Variants in FAM124A observed in about 807,000 individuals in gnomAD.
FAM124A encodes family with sequence similarity 124 member A.
FAM124A carries 23 observed loss-of-function variants against 24.5 expected under a neutral mutation model. The observed-to-expected ratio is 0.94, with a 90% CI of 0.68 to 1.33. The LOEUF is 1.33. Among genes scored for constraint, FAM124A ranks in the 40% most tolerant of loss-of-function variants. The probability of loss-of-function intolerance (pLI) is 0.00; values close to 1 mark genes in which losing one functional copy is unlikely to be tolerated. For synonymous variants in FAM124A, 287 were observed against 314.7 expected, an observed-to-expected ratio of 0.91 and a Z score of 0.93; for missense variants, 623 against 722.8, an observed-to-expected ratio of 0.86 and a Z score of 1.58.
At chr13:51,245,782 A>C (rs1954551943) in intron 2 of FAM124A, among the ~76,000 whole-genome samples, 1 of 152,242 alleles carries the variant, frequency 6.6e-6, no homozygotes. Context: ...AGATTAAATG[A>C]GATAGTATAC....
In FAM124A at chr13:51,280,824, C is replaced by G. The variant is rs141853570; in HGVS notation, c.1209C>G (p.Ile403Met). 1.2e-6 allele frequency: 2 copies of G among 1,614,092 alleles called. No individual in the cohort carries two copies. The highest frequency in any genetic ancestry group is 1.7e-5 in the Admixed American group (1 of 60,024). ...SEWRHGHLLS[I>M]DDLEGAQETD... ...GGAGGCATGGCCACCTCCTCTCCAT[C>G]GATGACCTAGAGGGGGCCCAGGAGA... Residue 403 changes from isoleucine (I) to methionine (M), a missense_variant, in exon 4 of 4, where the codon ATC becomes ATG. Coordinates refer to ENST00000322475, the MANE Select transcript of FAM124A (RefSeq NM_001242312.2).
At chr13:51,236,177 G>GA (rs1166251850) in intron 2 of FAM124A, among the ~76,000 whole-genome samples, 34 of 152,334 alleles carry the variant, frequency 2.2e-4, no homozygotes, top group Admixed American at 2.0e-3. Context: ...CTTATTGAGA[G>GA]AAAAGGGGTC....
At position 51,281,361 on chromosome 13, in the gene FAM124A, C is replaced by T; in HGVS notation, c.*105C>T. The T allele has an allele frequency of 1.7e-6, 2 of 1,177,324 alleles. No homozygotes were observed. The highest frequency in any genetic ancestry group is 3.4e-5 in the South Asian group (2 of 58,140). 72.9% of individuals were successfully genotyped at this position (1,177,324 alleles called of 1,614,324 possible). On this transcript the variant is annotated 3_prime_UTR_variant, in exon 4 of 4. Coordinates refer to ENST00000322475, the MANE Select transcript of FAM124A (RefSeq NM_001242312.2). ...ACACCACATTCTTCATGATCCATTT[C>T]CCAGGAGCCCGTAGCACATTTGCCT...
intron 1 of FAM124A, chr13:51,225,096 G>C (rs1195831575): frequency 6.6e-6 from 1 of 152,160 alleles, no homozygotes; most frequent in Non-Finnish European, 1.5e-5. Flanking sequence ...ATTTGTATGA[G>C]AAGAGAACTT....
At chr13:51,248,019 A>G (rs1356511476) in intron 2 of FAM124A, among the ~76,000 whole-genome samples, 1 of 152,246 alleles carries the variant, frequency 6.6e-6, no homozygotes, top group Admixed American at 6.5e-5. Context: ...ATTCAGGTCT[A>G]TATGGGGGCA....
rs939951225 is a variant in FAM124A at position 51,282,346 on chromosome 13, C to T, written c.*1090C>T. On this transcript the variant is annotated 3_prime_UTR_variant, in exon 4 of 4. Transcript: ENST00000322475. ...ACGCTCTCCTGAACAAACACCAGTG[C>T]ACTGCCAGCCTCACATGATTGCATG... is the stretch of plus-strand genomic sequence containing the variant. The T allele has an allele frequency of 6.6e-6, 1 of 152,222 alleles. No homozygotes were observed. Among genetic ancestry groups the T allele is most frequent in the South Asian group, 2.1e-4 (1 of 4,824 alleles). The allele number at this position is 152,222 out of a possible 1,614,324, so 9.4% of individuals were successfully genotyped here.
chr13:51,245,335 C>A, intron 2 of FAM124A: 1 of 689,862 alleles, frequency 1.4e-6, no homozygotes, highest in Non-Finnish European at 2.7e-6. Context: ...CTGGCGGATG[C>A]CATGTTGCCT....
intron 3 of FAM124A, among the ~76,000 whole-genome samples, chr13:51,278,183 C>T (rs1235036645): frequency 1.3e-5 from 2 of 152,180 alleles, no homozygotes; most frequent in African/African-American, 2.4e-5. Flanking sequence ...GGAGGGCAGC[C>T]TCCAAGAGCT....
Position 51,281,488 on chromosome 13 carries a change from A to G in FAM124A, c.*232A>G, listed in dbSNP as rs1244741011. 4.5e-6 allele frequency: 2 copies of G among 441,162 alleles called. No individual in the cohort carries two copies. The highest frequency in any genetic ancestry group is 4.0e-6 in the Non-Finnish European group (1 of 252,524). 27.3% of individuals were successfully genotyped at this position (441,162 alleles called of 1,614,324 possible). On this transcript the variant is annotated 3_prime_UTR_variant, in exon 4 of 4. Coordinates refer to ENST00000322475, the MANE Select transcript of FAM124A (RefSeq NM_001242312.2). ...ATTCTCAACAAACTTGTCATAAAAT[A>G]TATTTTTTGAATATTCAGCATTTGA...
intron 2 of FAM124A, among the ~76,000 whole-genome samples, chr13:51,235,280 C>G (rs1185284509): frequency 6.6e-6 from 1 of 151,972 alleles, no homozygotes; most frequent in Admixed American, 6.6e-5. Context: ...TTCCAGAAAT[C>G]TAATGAGATC....
intron 3 of FAM124A, among the ~76,000 whole-genome samples, chr13:51,280,044 G>C (rs577767818): frequency 1.3e-5 from 2 of 152,180 alleles, no homozygotes; most frequent in African/African-American, 2.4e-5. Flanking sequence ...TCTATCAGGT[G>C]AGCACACTGT....
chr13:51,268,682 T>C (rs763498259), intron 3 of FAM124A, among the ~76,000 whole-genome samples: 1 of 152,166 alleles, frequency 6.6e-6, no homozygotes, highest in Admixed American at 6.5e-5. Flanking sequence ...ATAAAGGAAA[T>C]TGCTTTCCAA....
chr13:51,272,934 T>C lies in FAM124A; in HGVS notation c.835-7516T>C, dbSNP rs1954852690. ...ATTTACATCATTGCACAGAGTTCTA[T>C]AGACAGCACTGCTCTAAGAAATGAC... On this transcript the variant is annotated intron_variant, in intron 3 of 3. Coordinates refer to ENST00000322475, the MANE Select transcript of FAM124A (RefSeq NM_001242312.2). This position sits in a 1 kb window ranked among gnomAD's most constrained non-coding sequence, Gnocchi z 4.2. Among the ~76,000 whole-genome samples, 1 of 152,236 alleles carries C rather than the reference T, an allele frequency of 6.6e-6. No individual in the cohort carries two copies. The highest frequency in any genetic ancestry group is 1.5e-5 in the Non-Finnish European group (1 of 68,042).
intron 3 of FAM124A, among the ~76,000 whole-genome samples, chr13:51,261,737 A>G (rs969571922): frequency 1.3e-5 from 2 of 152,212 alleles, no homozygotes; most frequent in African/African-American, 4.8e-5. Context: ...GATCTGGAAG[A>G]AAGTGCTGCT....
chr13:51,228,418 G>A (rs2137643931), intron 1 of FAM124A, among the ~76,000 whole-genome samples: 1 of 152,228 alleles, frequency 6.6e-6, no homozygotes, highest in Middle Eastern at 3.4e-3. Context: ...ATATTTGTCA[G>A]GTGTGTGAAT....
At chr13:51,256,005 A>G (rs1264375417) in intron 3 of FAM124A, among the ~76,000 whole-genome samples, 1 of 152,092 alleles carries the variant, frequency 6.6e-6, no homozygotes, top group East Asian at 1.9e-4. Flanking sequence ...GTGTCCTGCA[A>G]CTCGGCCATG....
chr13:51,234,900 C>G (rs911573701), intron 2 of FAM124A, among the ~76,000 whole-genome samples: 4 of 152,080 alleles, frequency 2.6e-5, no homozygotes, highest in Non-Finnish European at 5.9e-5. Flanking sequence ...CCTTTTTGTG[C>G]CCCTCCCCTC....
intron 1 of FAM124A, chr13:51,227,255 A>G (rs865847507): frequency 6.6e-6 from 1 of 152,326 alleles, no homozygotes. Context: ...AGATGAGGAA[A>G]TGGAGACTCA....
chr13:51,251,944 A>G lies in FAM124A; in HGVS notation c.577A>G (p.Ile193Val). ...TGACAGCCTCAGGTTCTACCAGCTG[A>G]TTCTCCGGAGGAGCCCCAGCCAGAA... Reference protein sequence around the residue: ...YADSLRFYQLILRRSPSQKKA... With the variant: ...YADSLRFYQLVLRRSPSQKKA... Residue 193 changes from isoleucine to valine, a missense_variant, in exon 3 of 4, where the codon ATT (isoleucine) becomes GTT (valine). Physicochemically the swap from Ile to Val is conservative, Grantham distance 29 (BLOSUM62 3). Coordinates refer to ENST00000322475, the MANE Select transcript of FAM124A (RefSeq NM_001242312.2). This position sits in a 1 kb window ranked among gnomAD's most constrained non-coding sequence, Gnocchi z 5.3. The G allele has an allele frequency of 6.2e-7, 1 of 1,614,194 alleles. No homozygotes were observed. Among genetic ancestry groups the G allele is most frequent in the Non-Finnish European group, 8.5e-7 (1 of 1,180,018 alleles).
Sources: gnomAD v4.1 joint callset for allele counts (sites outside exome capture counted in the v4.1 genomes callset) on GRCh38, gnomAD v4.1.1 for gene constraint, Gnocchi (gnomAD v3.1) non-coding constraint, MANE v1.5 for transcripts, NCBI Gene and HGNC (gene_info 2026-07-23, HGNC 2026-07-21) for gene names.